The following AGBL1 variants were observed in gnomAD, a reference collection of about 807,000 sequenced individuals.
AGBL1 encodes AGBL carboxypeptidase 1.
AGBL1 carries 130 observed loss-of-function variants against 118.9 expected under a neutral mutation model. The observed-to-expected ratio is 1.09, with a 90% CI of 0.95 to 1.26. AGBL1 has a LOEUF of 1.26. AGBL1 is among the 50% of genes most tolerant of loss of function. AGBL1 has a pLI of 0.00. For missense variants in AGBL1, 1,584 were observed against 1,298.1 expected (o/e 1.22, Z -3.38); for synonymous variants, 555 against 478.9 (o/e 1.16, Z -2.08).
chr15:86,424,331 C>T (rs2081837092), intron 18 of AGBL1, among the ~76,000 whole-genome samples: 1 of 152,068 alleles, frequency 6.6e-6, no homozygotes, highest in African/African-American at 2.4e-5. Flanking sequence ...AACTAGCTAG[C>T]CATATGTAGA....
At chr15:86,641,139 C>T (rs922449573) in intron 21 of AGBL1, among the ~76,000 whole-genome samples, 1 of 151,966 alleles carries the variant, frequency 6.6e-6, no homozygotes, top group Non-Finnish European at 1.5e-5. Flanking sequence ...ACAATTATTT[C>T]TTTGCAGTTG....
chr15:86,514,778 T>C (rs1316918454), intron 18 of AGBL1, among the ~76,000 whole-genome samples: 3 of 152,210 alleles, frequency 2.0e-5, no homozygotes. Context: ...TTCTGATTTA[T>C]CTTTCTTGTA....
At chr15:86,774,830 A>G (rs2078230737) in intron 22 of AGBL1, among the ~76,000 whole-genome samples, 1 of 152,146 alleles carries the variant, frequency 6.6e-6, no homozygotes, top group Non-Finnish European at 1.5e-5. Flanking sequence ...GGGCTGGGAT[A>G]GAAGTATAAG....
intron 21 of AGBL1, among the ~76,000 whole-genome samples, chr15:86,591,743 T>C (rs1426334521): frequency 6.6e-6 from 1 of 152,146 alleles, no homozygotes; most frequent in Non-Finnish European, 1.5e-5. Context: ...GGAGGCTTCA[T>C]TACATTGGCA....
At chr15:86,541,588 T>A (rs1479546354) in intron 19 of AGBL1, among the ~76,000 whole-genome samples, 1 of 81,454 alleles carries the variant, frequency 1.2e-5, no homozygotes, top group Non-Finnish European at 2.2e-5. Flanking sequence ...AGTGAGACTA[T>A]GTCTCAAAAA....
intron 21 of AGBL1, among the ~76,000 whole-genome samples, chr15:86,587,634 G>C (rs2084271562): frequency 6.6e-6 from 1 of 152,206 alleles, no homozygotes; most frequent in African/African-American, 2.4e-5. Flanking sequence ...ATTCAGTTTA[G>C]AGCAGTGAGG....
chr15:86,252,521 A>G (rs1337667957), intron 7 of AGBL1, among the ~76,000 whole-genome samples: 1 of 152,220 alleles, frequency 6.6e-6, no homozygotes, highest in Non-Finnish European at 1.5e-5. Context: ...TTAGAATCCT[A>G]TATGGGAAAA....
intron 22 of AGBL1, among the ~76,000 whole-genome samples, chr15:86,861,146 T>G (rs2141480270): frequency 6.6e-6 from 1 of 152,306 alleles, no homozygotes; most frequent in Admixed American, 6.5e-5. Flanking sequence ...TCCCAAATTT[T>G]TTCTAGGGAA....
At chr15:86,755,030 C>G (rs1472025105) in intron 22 of AGBL1, among the ~76,000 whole-genome samples, 2 of 152,048 alleles carry the variant, frequency 1.3e-5, no homozygotes, top group African/African-American at 2.4e-5. Context: ...CCTTTCATTG[C>G]AAAATGATGG....
intron 21 of AGBL1, among the ~76,000 whole-genome samples, chr15:86,661,034 T>C (rs775230891): frequency 6.6e-5 from 10 of 152,144 alleles, no homozygotes; most frequent in Non-Finnish European, 1.5e-4. Context: ...CTGCTTATGT[T>C]GCTACACCTG....
intron 1 of AGBL1, among the ~76,000 whole-genome samples, chr15:86,128,116 T>A (rs968666100): frequency 6.6e-6 from 1 of 152,178 alleles, no homozygotes; most frequent in Non-Finnish European, 1.5e-5. Context: ...TAGTCTGTTC[T>A]CATGCTGCTA....
intron 22 of AGBL1, among the ~76,000 whole-genome samples, chr15:86,742,786 A>G (rs1298349963): frequency 6.6e-6 from 1 of 152,122 alleles, no homozygotes; most frequent in African/African-American, 2.4e-5. Context: ...CCTTATGCAG[A>G]ATAAACAGTC....
chr15:86,849,388 A>G (rs1238044531), intron 22 of AGBL1, among the ~76,000 whole-genome samples: 1 of 152,236 alleles, frequency 6.6e-6, no homozygotes, highest in African/African-American at 2.4e-5. Context: ...CTACTAGAAG[A>G]CCTGCACACA....
rs539602766 is a variant in AGBL1 at position 86,807,916 on chromosome 15, G to T, written c.3159-99171G>T. 1.9e-3 allele frequency among the ~76,000 whole-genome samples: 294 copies of T among 152,194 alleles called. 1 individual carries two copies. The highest frequency in any genetic ancestry group is 2.7e-3 in the Non-Finnish European group (182 of 68,014). ...CACCCATTCCACCCTCCAGTTAGAG[G>T]CATCAGAGTGTGAATATAAGCTTCA... is the stretch of plus-strand genomic sequence containing the variant. On this transcript the variant is annotated intron_variant, in intron 22 of 22. Transcript: ENST00000614907.
intron 22 of AGBL1, among the ~76,000 whole-genome samples, chr15:86,790,963 G>A (rs1413106122): frequency 6.6e-6 from 1 of 152,112 alleles, no homozygotes; most frequent in African/African-American, 2.4e-5. Context: ...AATAATCCAT[G>A]TAGCAGATGA....
intron 23 of AGBL1, chr15:86,935,126 A>C (rs534217766): frequency 6.6e-6 from 1 of 152,296 alleles, no homozygotes; most frequent in African/African-American, 2.4e-5. Context: ...AAATGAACTC[A>C]GCGGATTTTC....
At chr15:86,269,618 A>T (rs1044168733) in intron 13 of AGBL1, among the ~76,000 whole-genome samples, 1 of 152,264 alleles carries the variant, frequency 6.6e-6, no homozygotes, top group African/African-American at 2.4e-5. Context: ...GTATCAAAAT[A>T]TCACATGTAC....
chr15:86,130,777 A>G (rs925511334), intron 1 of AGBL1, among the ~76,000 whole-genome samples: 3 of 152,170 alleles, frequency 2.0e-5, no homozygotes, highest in Non-Finnish European at 4.4e-5. Context: ...TGCTGGTAAG[A>G]AATTATCCTG....
At chr15:86,659,270 C>T (rs1192719400) in intron 21 of AGBL1, among the ~76,000 whole-genome samples, 1 of 152,076 alleles carries the variant, frequency 6.6e-6, no homozygotes, top group Non-Finnish European at 1.5e-5. Flanking sequence ...ATTGGTGTTA[C>T]TTTGCTTATT....
Sources: allele counts gnomAD v4.1 joint callset (sites outside exome capture counted in the v4.1 genomes callset), GRCh38; gene constraint gnomAD v4.1.1; transcripts MANE v1.5; gene names NCBI Gene and HGNC (gene_info 2026-07-23, HGNC 2026-07-21).